The following PDE3A variants were observed in gnomAD, a reference collection of about 807,000 sequenced individuals.
PDE3A encodes phosphodiesterase 3A, also known as cGMP-inhibited 3',5'-cyclic phosphodiesterase 3A.
Under a neutral mutation model 98.3 loss-of-function variants are expected in PDE3A, and 43 were observed. That is an observed-to-expected ratio of 0.44 (90% CI 0.34 to 0.56). The LOEUF (loss-of-function observed/expected upper bound fraction) is 0.56, where lower values mean the gene tolerates loss of function less well. PDE3A is among the 20% of genes least tolerant of loss of function. PDE3A has a pLI of 0.01. For missense variants in PDE3A, 1,427 were observed against 1,440.7 expected (o/e 0.99, Z 0.15); for synonymous variants, 663 against 567.9 (o/e 1.17, Z -2.38).
rs182057795 is a variant in PDE3A, at chr12:20,473,157, A to G, written c.961-83503A>G. On this transcript the variant is annotated intron_variant, in intron 1 of 15. Transcript: ENST00000359062. The stretch of plus-strand genomic sequence containing the variant: ...ATAAAATCTTTGAATTATGAATATT[A>G]TGCACATGAAAGAGTATATATAATA... Among the ~76,000 whole-genome samples the G allele has an allele frequency of 6.6e-5, 10 of 152,278 alleles. 1 individual carries two copies. The East Asian group carries it at 1.9e-3, about 29-fold the overall frequency.
At chr12:20,587,123 A>C (rs1943216891) in intron 2 of PDE3A, among the ~76,000 whole-genome samples, 2 of 152,126 alleles carry the variant, frequency 1.3e-5, no homozygotes, top group South Asian at 4.1e-4. Context: ...TAATCCCAAC[A>C]CTTTAGGAGG....
intron 1 of PDE3A, among the ~76,000 whole-genome samples, chr12:20,437,363 G>A (rs988254511): frequency 5.3e-5 from 8 of 151,974 alleles, no homozygotes; most frequent in African/African-American, 1.7e-4. Flanking sequence ...TAGTATTATG[G>A]GTTAGGCCAT....
intron 14 of PDE3A, among the ~76,000 whole-genome samples, chr12:20,652,478 G>T (rs1944943412): frequency 1.3e-5 from 2 of 152,142 alleles, no homozygotes; most frequent in African/African-American, 4.8e-5. Flanking sequence ...GTGTGAGATG[G>T]TATCTCGTTG....
intron 2 of PDE3A, among the ~76,000 whole-genome samples, chr12:20,566,254 TCTTGGAAAA>T (rs1431208600): frequency 2.6e-5 from 4 of 151,952 alleles, no homozygotes; most frequent in Non-Finnish European, 4.4e-5. Flanking sequence ...AATAAGCGAT[TCTTGGAAAA>T]CTCTTAAGTG....
intron 1 of PDE3A, among the ~76,000 whole-genome samples, chr12:20,408,301 G>A (rs1480751756): frequency 2.0e-5 from 3 of 152,130 alleles, no homozygotes; most frequent in African/African-American, 7.2e-5. Context: ...GAGTATGGCT[G>A]AAGTTAAAAA....
At chr12:20,542,134 G>A (rs1040119290) in intron 1 of PDE3A, among the ~76,000 whole-genome samples, 2 of 151,998 alleles carry the variant, frequency 1.3e-5, no homozygotes, top group African/African-American at 4.8e-5. Flanking sequence ...TTGGAATTTT[G>A]TCTTTTGCTG....
At position 20,369,444 on chromosome 12, in the gene PDE3A, C is replaced by G; in HGVS notation, c.160C>G (p.Pro54Ala). Residue 54 changes from proline (P) to alanine (A), a missense_variant, in exon 1 of 16, where the codon CCG (proline) becomes GCG (alanine). Physicochemically the swap from Pro to Ala is conservative, Grantham distance 27. This residue lies in a region of PDE3A where 1,012 missense variants were observed against 886.5 expected (regional missense o/e 1.14). Coordinates refer to ENST00000359062, the MANE Select transcript of PDE3A (RefSeq NM_000921.5). ...RGCWGDLVLQ[P>A]LRSSRKLSSA... ...CTGCTGGGGAGACCTGGTGCTGCAG[C>G]CGCTCCGGAGCTCTCGGAAACTTTC... The G allele has an allele frequency of 6.4e-7, 1 of 1,555,520 alleles. No individual in the cohort carries two copies. Among genetic ancestry groups the G allele is most frequent in the Non-Finnish European group, 8.7e-7 (1 of 1,150,468 alleles).
chr12:20,548,419 T>G (rs1164210445), intron 1 of PDE3A, among the ~76,000 whole-genome samples: 1 of 152,080 alleles, frequency 6.6e-6, no homozygotes, highest in Non-Finnish European at 1.5e-5. Context: ...AGAGGGTATT[T>G]TTTATAGATG....
intron 1 of PDE3A, among the ~76,000 whole-genome samples, chr12:20,444,732 T>A (rs1428346703): frequency 6.6e-6 from 1 of 152,154 alleles, no homozygotes; most frequent in Non-Finnish European, 1.5e-5. Flanking sequence ...AAGGAATGCA[T>A]AGGATGAAAT....
chr12:20,391,902 T>C (rs143928781), intron 1 of PDE3A, among the ~76,000 whole-genome samples: 1 of 152,014 alleles, frequency 6.6e-6, no homozygotes, highest in Non-Finnish European at 1.5e-5. Flanking sequence ...GAACAATAAT[T>C]TGTGAACCTT....
chr12:20,386,174 A>T (rs1316968650), intron 1 of PDE3A, among the ~76,000 whole-genome samples: 4 of 75,236 alleles, frequency 5.3e-5, no homozygotes, highest in Non-Finnish European at 7.6e-5. Context: ...AATATATAAA[A>T]ATATATATAA....
In PDE3A at chr12:20,422,157, T is replaced by C. The variant is rs371486168; in HGVS notation, c.960+51913T>C. Among the ~76,000 whole-genome samples, 444 of 152,090 alleles carry C rather than the reference T, an allele frequency of 2.9e-3. 2 individuals are homozygous for C. The highest frequency in any genetic ancestry group is 0.01 in the African/African-American group (418 of 41,506). On this transcript the variant is annotated intron_variant, in intron 1 of 15. Transcript: ENST00000359062. Reference sequence around the variant, plus strand: ...GTCAGGAGATCGAGACCATCCTGGCTAACACGGTGAAACTCCATCTCTACT... The same window carrying C: ...GTCAGGAGATCGAGACCATCCTGGCCAACACGGTGAAACTCCATCTCTACT...
At chr12:20,561,748 A>G (rs917515339) in intron 2 of PDE3A, among the ~76,000 whole-genome samples, 9 of 152,178 alleles carry the variant, frequency 5.9e-5, no homozygotes, top group Admixed American at 3.3e-4. Context: ...AAATTGTATC[A>G]TATATGCATT....
At chr12:20,458,124 T>A (rs1390029921) in intron 1 of PDE3A, among the ~76,000 whole-genome samples, 1 of 134,124 alleles carries the variant, frequency 7.5e-6, no homozygotes, top group African/African-American at 2.5e-5. Context: ...ATAGATGCAT[T>A]TATTATTTAT....
intron 1 of PDE3A, among the ~76,000 whole-genome samples, chr12:20,508,388 T>C (rs1946156123): frequency 6.6e-6 from 1 of 151,902 alleles, no homozygotes; most frequent in African/African-American, 2.4e-5. Flanking sequence ...TTCACTTGAA[T>C]TTGAGCTCTA....
intron 1 of PDE3A, among the ~76,000 whole-genome samples, chr12:20,536,714 T>C (rs1448482983): frequency 6.6e-6 from 1 of 152,142 alleles, no homozygotes; most frequent in Non-Finnish European, 1.5e-5. Flanking sequence ...TATGTATCAG[T>C]ACTACTTCAT....
chr12:20,410,702 T>A lies in PDE3A; in HGVS notation c.960+40458T>A, dbSNP rs182940254. Among the ~76,000 whole-genome samples the A allele has an allele frequency of 3.2e-4, 49 of 152,322 alleles. 1 individual carries two copies. The East Asian group carries it at 9.5e-3, about 29-fold the overall frequency. On this transcript the variant is annotated intron_variant, in intron 1 of 15. Coordinates refer to ENST00000359062, the MANE Select transcript of PDE3A (RefSeq NM_000921.5). Reference sequence around the variant, plus strand: ...TTGTCAATTATGTCTCCATAATTTTTAAAAGACGCTGTTCATTATAAGACC... The same window carrying A: ...TTGTCAATTATGTCTCCATAATTTTAAAAAGACGCTGTTCATTATAAGACC...
In PDE3A at chr12:20,616,329, C is replaced by T; in HGVS notation, c.1369C>T (p.Pro457Ser). Residue 457 changes from proline to serine, a missense_variant, in exon 4 of 16, where the codon CCA becomes TCA. Physicochemically the swap from Pro to Ser is moderately conservative, Grantham distance 74. Around this residue, in one of 3 missense-constraint regions of PDE3A, gnomAD observed 1,012 missense variants for 886.5 expected, o/e 1.14. Transcript: ENST00000359062. Reference protein sequence around the residue: ...ATGLPTLEPAPVRRDRSTSIK... With the variant: ...ATGLPTLEPASVRRDRSTSIK... Reference sequence around the variant, plus strand: ...AGGTCTACCCACCTTGGAGCCTGCACCAGTACGGAGAGACCGCAGCACCAG... The same window carrying T: ...AGGTCTACCCACCTTGGAGCCTGCATCAGTACGGAGAGACCGCAGCACCAG... 1 of 1,614,020 alleles carries T rather than the reference C, an allele frequency of 6.2e-7. No homozygotes were observed. The highest frequency in any genetic ancestry group is 8.5e-7 in the Non-Finnish European group (1 of 1,179,958).
chr12:20,673,318 A>T (rs1400718864), intron 15 of PDE3A, among the ~76,000 whole-genome samples: 1 of 149,890 alleles, frequency 6.7e-6, no homozygotes, highest in Non-Finnish European at 1.5e-5. Flanking sequence ...TAGAACTGGA[A>T]ATACCATTTG....
Sources: gnomAD v4.1 joint callset for allele counts (sites outside exome capture counted in the v4.1 genomes callset) on GRCh38, gnomAD v4.1.1 for gene constraint, gnomAD v4.1.1 regional missense constraint, MANE v1.5 for transcripts, NCBI Gene and HGNC (gene_info 2026-07-23, HGNC 2026-07-21) for gene names.